ST8SIA4: variants seen among roughly 807,000 people sequenced by gnomAD.
ST8SIA4 encodes CMP-N-acetylneuraminate-poly-alpha-2,8-sialyltransferase.
A neutral mutation model predicts 33.9 loss-of-function variants in ST8SIA4; 15 were observed. The ratio of observed to expected loss-of-function variants is 0.44; its 90% confidence interval spans 0.30 to 0.68. The LOEUF is 0.68. Among genes scored for constraint, ST8SIA4 ranks in the 30% least tolerant of loss-of-function variants. The probability of loss-of-function intolerance (pLI) is 0.10; values close to 1 mark genes in which losing one functional copy is unlikely to be tolerated. For missense variants in ST8SIA4, 321 were observed against 428.0 expected (o/e 0.75, Z 2.21); for synonymous variants, 171 against 151.2 (o/e 1.13, Z -0.96).
intron 4 of ST8SIA4, among the ~76,000 whole-genome samples, chr5:100,823,371 T>C (rs1340932283): frequency 6.6e-6 from 1 of 152,220 alleles, no homozygotes; most frequent in African/African-American, 2.4e-5. Context: ...CCAGCAGCCC[T>C]TGGGGCTGCT....
chr5:100,863,906 AT>A (rs1034719351), intron 3 of ST8SIA4, among the ~76,000 whole-genome samples: 9 of 152,348 alleles, frequency 5.9e-5, no homozygotes, highest in Admixed American at 2.0e-4. Context: ...TCACTTCAGC[AT>A]ATCAACAGAA....
At chr5:100,848,901 G>T (rs34131128) in intron 4 of ST8SIA4, among the ~76,000 whole-genome samples, 1 of 149,854 alleles carries the variant, frequency 6.7e-6, no homozygotes, top group Non-Finnish European at 1.5e-5. Flanking sequence ...GTGTGTCTAT[G>T]TGTGTATATA....
intron 4 of ST8SIA4, among the ~76,000 whole-genome samples, chr5:100,823,553 A>G (rs948868923): frequency 3.9e-5 from 6 of 152,200 alleles, no homozygotes; most frequent in Admixed American, 3.3e-4. Context: ...AACTCAACCA[A>G]CAAATTTAAG....
At chr5:100,830,523 T>G (rs1047460679) in intron 4 of ST8SIA4, among the ~76,000 whole-genome samples, 2 of 152,228 alleles carry the variant, frequency 1.3e-5, no homozygotes, top group African/African-American at 4.8e-5. Flanking sequence ...TTAGAAACTG[T>G]CATATGCAGC....
chr5:100,849,597 A>G (rs978523939), intron 4 of ST8SIA4: 2 of 273,074 alleles, frequency 7.3e-6, no homozygotes, highest in African/African-American at 2.3e-5. Flanking sequence ...CCTGGCCAAC[A>G]TGGTGAAACC....
chr5:100,861,526 A>G (rs1003625187), intron 3 of ST8SIA4, among the ~76,000 whole-genome samples: 1 of 152,204 alleles, frequency 6.6e-6, no homozygotes, highest in Non-Finnish European at 1.5e-5. Context: ...CACAAATTCT[A>G]GAGAATAGCT....
At chr5:100,829,492 A>G (rs1280082132) in intron 4 of ST8SIA4, among the ~76,000 whole-genome samples, 1 of 152,234 alleles carries the variant, frequency 6.6e-6, no homozygotes, top group East Asian at 1.9e-4. Flanking sequence ...GATTGAAACA[A>G]TAGGATATTG....
At chr5:100,819,348 TAATA>T (rs1750992880) in intron 4 of ST8SIA4, among the ~76,000 whole-genome samples, 1 of 152,236 alleles carries the variant, frequency 6.6e-6, no homozygotes, top group Non-Finnish European at 1.5e-5. Context: ...AGTATCATAC[TAATA>T]GCATTTGGGA....
intron 4 of ST8SIA4, among the ~76,000 whole-genome samples, chr5:100,826,989 C>A (rs1469670328): frequency 6.9e-6 from 1 of 145,924 alleles, no homozygotes; most frequent in African/African-American, 2.5e-5. Flanking sequence ...CACACACATC[C>A]CATAGGAAGG....
intron 1 of ST8SIA4, among the ~76,000 whole-genome samples, chr5:100,896,487 C>T (rs1362824520): frequency 6.6e-6 from 1 of 152,008 alleles, no homozygotes; most frequent in Admixed American, 6.6e-5. Context: ...AAATTTCACA[C>T]TTAGACGGGA....
At chr5:100,872,470 C>T (rs770162960) in intron 3 of ST8SIA4, among the ~76,000 whole-genome samples, 2 of 152,036 alleles carry the variant, frequency 1.3e-5, no homozygotes, top group South Asian at 4.1e-4. Flanking sequence ...GTGTCCCAAC[C>T]CAAATCTCAT....
chr5:100,894,524 A>G (rs534145703), intron 2 of ST8SIA4, among the ~76,000 whole-genome samples: 1 of 152,072 alleles, frequency 6.6e-6, no homozygotes, highest in African/African-American at 2.4e-5. Context: ...TTCCCAGTCA[A>G]TTTCAAACCT....
rs1750713169 is a variant in ST8SIA4, at chr5:100,807,169, C to T, written c.*4678G>A. 1 of 151,978 alleles carries T rather than the reference C, an allele frequency of 6.6e-6. No individual in the cohort carries two copies. The highest frequency in any genetic ancestry group is 6.5e-5 in the Admixed American group (1 of 15,268). The allele number at this position is 151,978 out of a possible 1,614,324, so 9.4% of individuals were successfully genotyped here. On this transcript the variant is annotated 3_prime_UTR_variant, in exon 5 of 5. Coordinates refer to ENST00000231461, the MANE Select transcript of ST8SIA4 (RefSeq NM_005668.6). ...CCTAACATTGACATACAAAGTATAA[C>T]CAAGGGCTTGGATATATGAGATAAG... is the stretch of plus-strand genomic sequence containing the variant.
Position 100,809,449 on chromosome 5 carries a change from CA to C in ST8SIA4, c.*2397del, listed in dbSNP as rs35431964. On this transcript the variant is annotated 3_prime_UTR_variant, in exon 5 of 5. Transcript: ENST00000231461. ...TGTGTGACAGAGTGAGACTCCATCT[CA>C]AAAAAAAAAAAAAAAGAAAAAAGAA... 1.9e-3 allele frequency: 153 copies of C among 82,202 alleles called. No individual in the cohort carries two copies. The highest frequency in any genetic ancestry group is 3.4e-3 in the South Asian group (8 of 2,372). The allele number at this position is 82,202 out of a possible 1,614,324, so 5.1% of individuals were successfully genotyped here.
At chr5:100,859,971 A>C (rs1453193736) in intron 3 of ST8SIA4, among the ~76,000 whole-genome samples, 1 of 152,148 alleles carries the variant, frequency 6.6e-6, no homozygotes, top group Non-Finnish European at 1.5e-5. Flanking sequence ...ATGTTATTTA[A>C]CAATGACATA....
chr5:100,821,095 A>G (rs907736820), intron 4 of ST8SIA4, among the ~76,000 whole-genome samples: 2 of 152,144 alleles, frequency 1.3e-5, no homozygotes, highest in East Asian at 3.8e-4. Context: ...AGCATGATGA[A>G]GGAGTTAAAT....
intron 4 of ST8SIA4, among the ~76,000 whole-genome samples, chr5:100,824,750 C>T (rs896790232): frequency 6.6e-6 from 1 of 151,984 alleles, no homozygotes; most frequent in African/African-American, 2.4e-5. Flanking sequence ...TGGCTGCCTA[C>T]ACAAAAGATT....
intron 3 of ST8SIA4, among the ~76,000 whole-genome samples, chr5:100,873,083 G>T (rs1024123025): frequency 2.0e-5 from 3 of 152,038 alleles, no homozygotes; most frequent in Non-Finnish European, 2.9e-5. Context: ...GGTCATCCAA[G>T]ACCACACTTT....
chr5:100,855,035 C>T (rs1167528413), intron 4 of ST8SIA4, among the ~76,000 whole-genome samples: 1 of 152,146 alleles, frequency 6.6e-6, no homozygotes, highest in Non-Finnish European at 1.5e-5. Context: ...AAACTCAATT[C>T]CCTTCTCAAC....
Sources: gnomAD v4.1 joint callset for allele counts (sites outside exome capture counted in the v4.1 genomes callset) on GRCh38, gnomAD v4.1.1 for gene constraint, MANE v1.5 for transcripts, NCBI Gene and HGNC (gene_info 2026-07-23, HGNC 2026-07-21) for gene names.